The following EYS variants were observed in gnomAD, a reference collection of about 807,000 sequenced individuals.
The protein encoded by EYS is protein eyes shut homolog.
EYS carries 250 observed loss-of-function variants against 282.1 expected under a neutral mutation model. That is an observed-to-expected ratio of 0.89 (90% CI 0.80 to 0.98). The LOEUF (loss-of-function observed/expected upper bound fraction) is 0.98, where lower values mean the gene tolerates loss of function less well. EYS is among the 50% of genes least tolerant of loss of function. The pLI is 0.00. For missense variants in EYS, 4,016 were observed against 3,709.0 expected (o/e 1.08, Z -2.15); for synonymous variants, 1,355 against 1,282.9 (o/e 1.06, Z -1.20).
intron 14 of EYS, among the ~76,000 whole-genome samples, chr6:64,980,726 C>G (rs1770632221): frequency 6.6e-6 from 1 of 151,300 alleles, no homozygotes; most frequent in South Asian, 2.1e-4. Context: ...CAATGTCAAA[C>G]TGAATGAGAG....
chr6:64,532,863 G>C (rs1397966897), intron 26 of EYS, among the ~76,000 whole-genome samples: 1 of 152,092 alleles, frequency 6.6e-6, no homozygotes, highest in Admixed American at 6.5e-5. Context: ...ATGGTCTAAA[G>C]AAGAAACAGT....
chr6:64,890,124 C>T (rs1013969586), intron 18 of EYS, among the ~76,000 whole-genome samples: 1 of 151,608 alleles, frequency 6.6e-6, no homozygotes. Context: ...CCATAGCGCT[C>T]CCAGGCTTAT....
rs116920281 is a variant in EYS, at chr6:63,958,598, G to A, written c.7055+25785C>T. On this transcript the variant is annotated intron_variant, in intron 35 of 42. Coordinates refer to ENST00000503581, the MANE Select transcript of EYS (RefSeq NM_001142800.2). The stretch of plus-strand genomic sequence containing the variant: ...CTAAACAACAGAGTTTCAATGTAGC[G>A]AAAGCAGCCTTATATTGGAAGAAGA... 1.9e-3 allele frequency among the ~76,000 whole-genome samples: 294 copies of A among 152,308 alleles called. 6 individuals carry two copies. The East Asian group carries it at 0.039, about 20-fold the overall frequency.
intron 5 of EYS, among the ~76,000 whole-genome samples, chr6:65,488,860 C>T (rs917700526): frequency 2.6e-5 from 4 of 152,152 alleles, no homozygotes; most frequent in Non-Finnish European, 5.9e-5. Context: ...AAACCTGACA[C>T]ACACAAGCAA....
At position 63,721,123 on chromosome 6, in the gene EYS, G is replaced by T; in HGVS notation, c.8908C>A (p.Pro2970Thr). 6.4e-7 allele frequency: 1 copy of T among 1,551,294 alleles called. No individual in the cohort carries two copies. Among genetic ancestry groups the T allele is most frequent in the Non-Finnish European group, 8.7e-7 (1 of 1,146,700 alleles). ...TGGAGGTTTCTCATTCTATAATTTG[G>T]ATCAATGTATTTAATGTAAGAATTA... Reference protein sequence around the residue: ...MGNSYIKYIDPNYRMRNLQFT... With the variant: ...MGNSYIKYIDTNYRMRNLQFT... Residue 2970 changes from proline to threonine, a missense_variant, in exon 43 of 43, where the codon CCA becomes ACA. By Grantham distance (38) the Pro-to-Thr change is conservative. Transcript: ENST00000503581.
At chr6:65,705,797 G>T (rs997075) in intron 1 of EYS, among the ~76,000 whole-genome samples, 53,686 of 151,848 alleles carry the variant, frequency 0.35, 11,980 homozygotes, top group Non-Finnish European at 0.49. Context: ...TTGTTTAAAA[G>T]GGCCATTTTT....
At chr6:65,574,564 A>C (rs1237970735) in intron 2 of EYS, among the ~76,000 whole-genome samples, 1 of 152,202 alleles carries the variant, frequency 6.6e-6, no homozygotes, top group Non-Finnish European at 1.5e-5. Flanking sequence ...AAATGTATTA[A>C]TTAATCAAGA....
intron 22 of EYS, among the ~76,000 whole-genome samples, chr6:64,792,877 T>TGTGTGTGTGTGTGTGTGTGTGTGTGTG (rs1562194593): frequency 6.6e-6 from 1 of 151,914 alleles, no homozygotes. Context: ...TGTGTGTGTG[T>TGTGTGTGTGTGTGTGTGTGTGTGTGTG]TAGATGTAAC....
At chr6:64,909,001 C>T (rs10944766) in intron 16 of EYS, among the ~76,000 whole-genome samples, 42,997 of 152,020 alleles carry the variant, frequency 0.28, 7,539 homozygotes, top group Admixed American at 0.4. Context: ...TGATGTTTCA[C>T]CGGGTACCCA....
At chr6:64,949,704 TA>T (rs1362667579) in intron 14 of EYS, among the ~76,000 whole-genome samples, 2 of 151,914 alleles carry the variant, frequency 1.3e-5, no homozygotes, top group Non-Finnish European at 2.9e-5. Context: ...GGGGAGATTT[TA>T]CAGGGCATAT....
intron 39 of EYS, among the ~76,000 whole-genome samples, chr6:63,781,590 C>A (rs1158014109): frequency 6.6e-6 from 1 of 152,146 alleles, no homozygotes; most frequent in Non-Finnish European, 1.5e-5. Flanking sequence ...GATTTTTGCA[C>A]ATTAATTTTG....
At chr6:65,702,053 C>G (rs944355844) in intron 1 of EYS, among the ~76,000 whole-genome samples, 1 of 152,152 alleles carries the variant, frequency 6.6e-6, no homozygotes, top group Non-Finnish European at 1.5e-5. Context: ...ATGTGCTTAA[C>G]AAATCGTCAC....
chr6:65,398,925 C>T (rs1475046735), intron 7 of EYS, among the ~76,000 whole-genome samples: 1 of 152,060 alleles, frequency 6.6e-6, no homozygotes. Context: ...GAGCAAACAA[C>T]CTTAGAGTTA....
chr6:64,414,603 T>C (rs942767553), intron 28 of EYS, among the ~76,000 whole-genome samples: 2 of 152,088 alleles, frequency 1.3e-5, no homozygotes, highest in Non-Finnish European at 2.9e-5. Flanking sequence ...AAGATAAGCA[T>C]AATAAAATTA....
intron 31 of EYS, among the ~76,000 whole-genome samples, chr6:64,101,638 G>T (rs1772830918): frequency 6.6e-6 from 1 of 151,142 alleles, no homozygotes; most frequent in African/African-American, 2.5e-5. Flanking sequence ...TAGTCTAATA[G>T]TCTAGTTCCC....
chr6:64,164,507 T>G (rs1044130451), intron 31 of EYS, among the ~76,000 whole-genome samples: 2 of 152,094 alleles, frequency 1.3e-5, no homozygotes, highest in African/African-American at 4.8e-5. Context: ...TAGTTCCTCA[T>G]GTTATTTGTT....
intron 28 of EYS, among the ~76,000 whole-genome samples, chr6:64,402,412 A>G (rs1406688985): frequency 2.0e-5 from 3 of 152,204 alleles, no homozygotes; most frequent in Non-Finnish European, 2.9e-5. Context: ...GTTTTAGTTG[A>G]TAGGAAAAAC....
intron 5 of EYS, among the ~76,000 whole-genome samples, chr6:65,425,651 T>C (rs1049650615): frequency 2.8e-4 from 43 of 152,138 alleles, no homozygotes; most frequent in Admixed American, 2.1e-3. Flanking sequence ...ATCCTTCCAT[T>C]AGAAATTTAA....
chr6:64,754,627 G>T (rs138152754), intron 22 of EYS, among the ~76,000 whole-genome samples: 26 of 152,094 alleles, frequency 1.7e-4, no homozygotes, highest in Admixed American at 1.4e-3. Flanking sequence ...ACATTATAAA[G>T]AATACACCAA....
Sources: allele counts gnomAD v4.1 joint callset (sites outside exome capture counted in the v4.1 genomes callset), GRCh38; gene constraint gnomAD v4.1.1; transcripts MANE v1.5; gene names NCBI Gene and HGNC (gene_info 2026-07-23, HGNC 2026-07-21).